Variants in KIAA1755 observed in about 807,000 individuals in gnomAD.
KIAA1755 encodes uncharacterized protein KIAA1755.
A neutral mutation model predicts 91.7 loss-of-function variants in KIAA1755; 68 were observed. That is an observed-to-expected ratio of 0.74 (90% confidence interval 0.61 to 0.91). The LOEUF is 0.91. Among genes scored for constraint, KIAA1755 ranks in the 40% least tolerant of loss-of-function variants. The pLI, the probability that KIAA1755 is intolerant of heterozygous loss-of-function variation, is 0.00. For missense variants in KIAA1755, 1,535 were observed against 1,494.4 expected, an observed-to-expected ratio of 1.03 and a Z score of -0.45; for synonymous variants, 610 against 604.6, an observed-to-expected ratio of 1.01 and a Z score of -0.13.
In KIAA1755 at chr20:38,246,060, T is replaced by C. The variant is rs762264980; in HGVS notation, c.70A>G (p.Thr24Ala). Residue 24 changes from threonine (T) to alanine (A), a missense_variant, in exon 2 of 14, where the codon ACA becomes GCA. Physicochemically the swap from Thr to Ala is moderately conservative, Grantham distance 58. Coordinates refer to ENST00000279024, the MANE Select transcript of KIAA1755 (RefSeq NM_001029864.2). ...LAGLYPPFEA[T>A]APTVLGQVFR... The stretch of plus-strand genomic sequence containing the variant: ...ACCTGACCCAGGACGGTGGGTGCTG[T>C]GGCCTCGAAAGGAGGATAGAGGCCC... 7.0e-5 allele frequency: 113 copies of C among 1,613,924 alleles called. No homozygotes were observed. The highest frequency in any genetic ancestry group is 9.4e-5 in the Non-Finnish European group (111 of 1,180,020).
chr20:38,222,376 G>A, intron 10 of KIAA1755, 73 bp downstream of exon 10: 2 of 1,506,780 alleles, frequency 1.3e-6, no homozygotes, highest in South Asian at 1.2e-5. Context: ...GCCCTAGGTG[G>A]TGTGGTCCCA....
intron 3 of KIAA1755, 135 bp downstream of exon 3, chr20:38,240,447 A>G (rs2076035102): frequency 4.7e-6 from 4 of 842,618 alleles, no homozygotes; most frequent in Non-Finnish European, 5.1e-6. Flanking sequence ...GCCCCTTAAC[A>G]TGCCACACTG....
chr20:38,224,981 A>ATTTAT (rs1054029435), intron 8 of KIAA1755, among the ~76,000 whole-genome samples: 1 of 151,978 alleles, frequency 6.6e-6, no homozygotes, highest in Non-Finnish European at 1.5e-5. Context: ...GTGCCTGTAA[A>ATTTAT]TTTATTTTAT....
chr20:38,237,295 T>C (rs1489196774), intron 4 of KIAA1755, among the ~76,000 whole-genome samples: 1 of 150,932 alleles, frequency 6.6e-6, no homozygotes, highest in Non-Finnish European at 1.5e-5. Context: ...ACTCTGGAGG[T>C]GAAGTAGGAT....
At chr20:38,232,446 G>A (rs189064590) in intron 4 of KIAA1755, among the ~76,000 whole-genome samples, 97 of 152,124 alleles carry the variant, frequency 6.4e-4, no homozygotes, top group African/African-American at 2.3e-3. Flanking sequence ...CTAACATGGT[G>A]AAACCCCGTC....
chr20:38,260,125 T>C, intron 1 of KIAA1755: 1 of 1,156,292 alleles, frequency 8.6e-7, no homozygotes, highest in Non-Finnish European at 1.1e-6. Flanking sequence ...CCATCCAAAC[T>C]CCCTGCCGGG....
intron 4 of KIAA1755, among the ~76,000 whole-genome samples, chr20:38,232,899 C>G (rs2075894533): frequency 6.6e-6 from 1 of 152,072 alleles, no homozygotes; most frequent in Non-Finnish European, 1.5e-5. Context: ...AAGAGAATGG[C>G]TTGAGCTCGG....
At chr20:38,244,330 T>A (rs1471014768) in intron 2 of KIAA1755, among the ~76,000 whole-genome samples, 1 of 152,268 alleles carries the variant, frequency 6.6e-6, no homozygotes, top group Non-Finnish European at 1.5e-5. Flanking sequence ...TTCCCATGTA[T>A]TGAGCTATGA....
At chr20:38,260,233 G>A (rs2076422575) in intron 1 of KIAA1755, 2 of 1,525,038 alleles carry the variant, frequency 1.3e-6, no homozygotes, top group African/African-American at 2.8e-5. Flanking sequence ...AGGTCTAGGG[G>A]TTGGGGAATA....
chr20:38,250,487 GGTGTGT>G (rs370369766), intron 1 of KIAA1755, among the ~76,000 whole-genome samples: 1 of 142,480 alleles, frequency 7.0e-6, no homozygotes, highest in Non-Finnish European at 1.5e-5. Context: ...TTATTATTAT[GGTGTGT>G]GTGTGTGTGT....
chr20:38,235,171 T>C (rs1485293471), intron 4 of KIAA1755, among the ~76,000 whole-genome samples: 1 of 152,190 alleles, frequency 6.6e-6, no homozygotes, highest in Non-Finnish European at 1.5e-5. Flanking sequence ...TTAAAATGTA[T>C]AGAAATTTTA....
chr20:38,227,968 A>G (rs1306373028), intron 6 of KIAA1755, among the ~76,000 whole-genome samples, 179 bp downstream of exon 6: 1 of 152,264 alleles, frequency 6.6e-6, no homozygotes, highest in Non-Finnish European at 1.5e-5. Flanking sequence ...TGGACTGTCC[A>G]TTGACATGAA....
chr20:38,213,629 C>T lies in KIAA1755; in HGVS notation c.3016G>A (p.Ala1006Thr). Residue 1006 changes from alanine to threonine, a missense_variant, in exon 14 of 14, where the codon GCA (alanine) becomes ACA (threonine). Physicochemically the swap from Ala to Thr is moderately conservative, Grantham distance 58. Transcript: ENST00000279024. ...RRLHRYLQRL[A>T]SEFPAEKLAA... ...AGCTTCTCAGCAGGGAACTCAGATG[C>T]CAGTCGCTGCAGGTAGCGGTGGAGG... 1 of 1,611,024 alleles carries T rather than the reference C, an allele frequency of 6.2e-7. No individual in the cohort carries two copies. The highest frequency in any genetic ancestry group is 1.1e-5 in the South Asian group (1 of 90,796).
At chr20:38,226,647 T>C (rs142845931) in intron 7 of KIAA1755, among the ~76,000 whole-genome samples, 139 of 152,316 alleles carry the variant, frequency 9.1e-4, no homozygotes, top group African/African-American at 3.1e-3. Context: ...TGTATGGCAC[T>C]AATTAAAGGG....
intron 8 of KIAA1755, 88 bp downstream of exon 8, chr20:38,225,577 G>T: frequency 1.2e-6 from 1 of 861,290 alleles, no homozygotes; most frequent in Non-Finnish European, 2.0e-6. Flanking sequence ...TTTTAGCATA[G>T]CAGGGTTGAT....
At chr20:38,240,049 A>G (rs2076027488) in intron 3 of KIAA1755, among the ~76,000 whole-genome samples, 1 of 152,122 alleles carries the variant, frequency 6.6e-6, no homozygotes, top group Admixed American at 6.5e-5. Context: ...GGCATGCACC[A>G]CGAAGCCCAG....
chr20:38,245,889 G>T, intron 2 of KIAA1755, 40 bp downstream of exon 2: 2 of 1,598,872 alleles, frequency 1.3e-6, no homozygotes, highest in South Asian at 2.2e-5. Context: ...TGACTTTCTG[G>T]AACAGCTTGT....
At chr20:38,259,820 CCACACACACACA>C (rs57325877) in intron 1 of KIAA1755, among the ~76,000 whole-genome samples, 5 of 138,698 alleles carry the variant, frequency 3.6e-5, no homozygotes, top group South Asian at 2.4e-4. Context: ...ACCACCACCA[CCACACACACACA>C]CACACACACA....
Position 38,260,616 on chromosome 20 carries a change from G to C in KIAA1755, c.-116C>G. The C allele has an allele frequency of 7.5e-7, 1 of 1,336,996 alleles. No homozygotes were observed. The highest frequency in any genetic ancestry group is 1.8e-5 in the South Asian group (1 of 55,960). The allele number at this position is 1,336,996 out of a possible 1,614,324, so 82.8% of individuals were successfully genotyped here. A position where few individuals can be genotyped will look rare whatever the true frequency, so the allele number is the denominator to read the frequency against. ...GGTCCCGCCTAGCCCTGGAGCCAGG[G>C]GATAGGGCAGGCCCGGGGCACCGAC... On this transcript the variant is annotated 5_prime_UTR_variant, in exon 1 of 14. Coordinates refer to ENST00000279024, the MANE Select transcript of KIAA1755 (RefSeq NM_001029864.2).
Sources: allele counts gnomAD v4.1 joint callset (sites outside exome capture counted in the v4.1 genomes callset), GRCh38; gene constraint gnomAD v4.1.1; transcripts MANE v1.5; gene names NCBI Gene and HGNC (gene_info 2026-07-23, HGNC 2026-07-21).